The following MALRD1 variants were observed in gnomAD, a reference collection of about 807,000 sequenced individuals.
The protein encoded by MALRD1 is MAM and LDL receptor class A domain containing 1.
In MALRD1, 247 loss-of-function variants were observed where a neutral mutation model predicts 242.1. The observed-to-expected ratio is 1.02, with a 90% CI of 0.92 to 1.13. MALRD1 has a LOEUF of 1.13. MALRD1 is among the 50% of genes most tolerant of loss of function. The probability of loss-of-function intolerance (pLI) is 0.00; values close to 1 mark genes in which losing one functional copy is unlikely to be tolerated. For synonymous variants in MALRD1, 995 were observed against 866.6 expected, an observed-to-expected ratio of 1.15 and a Z score of -2.60; for missense variants, 2,989 against 2,533.1, an observed-to-expected ratio of 1.18 and a Z score of -3.86.
At chr10:19,557,328 G>A (rs1352328890) in intron 32 of MALRD1, among the ~76,000 whole-genome samples, 1 of 151,912 alleles carries the variant, frequency 6.6e-6, no homozygotes, top group Admixed American at 6.6e-5. Context: ...TATGGTTCCT[G>A]GTTTTGGCAA....
chr10:19,644,917 T>C, intron 36 of MALRD1, among the ~76,000 whole-genome samples: 1 of 152,166 alleles, frequency 6.6e-6, no homozygotes. Flanking sequence ...AGTTCATAAA[T>C]CTATTGTCCA....
At chr10:19,698,120 T>C (rs1833459605) in intron 38 of MALRD1, among the ~76,000 whole-genome samples, 1 of 152,218 alleles carries the variant, frequency 6.6e-6, no homozygotes, top group Non-Finnish European at 1.5e-5. Context: ...AATATTTCTC[T>C]AACTACTTTG....
chr10:19,367,735 A>T (rs987478122), intron 26 of MALRD1, among the ~76,000 whole-genome samples: 1 of 152,096 alleles, frequency 6.6e-6, no homozygotes, highest in African/African-American at 2.4e-5. Context: ...AAGAGTGTAT[A>T]AGAGTTCTCT....
Position 19,352,304 on chromosome 10 carries a change from T to G in MALRD1, c.4441+7T>G, listed in dbSNP as rs959975076. ...GCAGTGCCTCTTCCAACAGGTACAT[T>G]CTAATCTGTGTGTGTGTGTGGTATT... On this transcript the variant is annotated splice_region_variant and intron_variant, in intron 26 of 39. Transcript: ENST00000454679. The G allele has an allele frequency of 7.8e-5, 111 of 1,427,062 alleles. No homozygotes were observed. Among genetic ancestry groups the G allele is most frequent in the Non-Finnish European group, 1.0e-4 (109 of 1,091,208 alleles). The allele number at this position is 1,427,062 out of a possible 1,614,324, so 88.4% of individuals were successfully genotyped here.
intron 2 of MALRD1, among the ~76,000 whole-genome samples, chr10:19,076,438 TATCTTATACTTAGGTCTTTAATCC>T (rs1213646860): frequency 2.0e-5 from 3 of 152,062 alleles, no homozygotes; most frequent in Non-Finnish European, 4.4e-5. Context: ...TAAGAGTTTA[TATCTTATACTTAGGTCTTTAATCC>T]ATCTTTAGTT....
intron 13 of MALRD1, among the ~76,000 whole-genome samples, chr10:19,167,413 A>C (rs950280474): frequency 2.6e-5 from 4 of 152,142 alleles, no homozygotes; most frequent in African/African-American, 9.7e-5. Context: ...GAAGCCCTCT[A>C]TGCCTCTTTC....
At chr10:19,725,073 A>G (rs1242228062) in intron 38 of MALRD1, 1 of 152,250 alleles carries the variant, frequency 6.6e-6, no homozygotes, top group Non-Finnish European at 1.5e-5. Context: ...AAGAAATTAA[A>G]TAAGACCTAA....
At position 19,718,107 on chromosome 10, in the gene MALRD1, GGAAGAA is replaced by G. The variant is rs34633700; in HGVS notation, c.6315-12584_6315-12579del. Among the ~76,000 whole-genome samples, 619 of 142,460 alleles carry G rather than the reference GGAAGAA, an allele frequency of 4.3e-3. 1 individual carries two copies. Among genetic ancestry groups the G allele is most frequent in the African/African-American group, 0.011 (397 of 37,124 alleles). The allele number at this position is 142,460 out of a possible 152,430, so 93.5% of individuals were successfully genotyped here. A position where few individuals can be genotyped will look rare whatever the true frequency, so the allele number is the denominator to read the frequency against. Reference sequence around the variant, plus strand: ...AAGTAGAAGAAGAAGAAGAGGAAGAGGAAGAAGAAGAAGAAGAAGAGGAAGAAGAGG... The same window carrying G: ...AAGTAGAAGAAGAAGAAGAGGAAGAGGAAGAAGAAGAAGAGGAAGAAGAGG... On this transcript the variant is annotated intron_variant, in intron 38 of 39. Transcript: ENST00000454679.
Position 19,324,019 on chromosome 10 carries a change from C to T in MALRD1, c.3490C>T (p.Leu1164Phe). The change falls in exon 22 of 40, where the codon CTC (leucine) becomes TTC (phenylalanine). Residue 1164 changes from leucine to phenylalanine, a missense_variant. Transcript: ENST00000454679. ...GAAATTTGGTGACACGGCTGACATT[C>T]TCACTCCTATCATTTCACTCACGGG... ...NGKFGDTADI[L>F]TPIISLTGPK... 1 of 1,550,824 alleles carries T rather than the reference C, an allele frequency of 6.4e-7. No individual in the cohort carries two copies. Among genetic ancestry groups the T allele is most frequent in the East Asian group, 2.4e-5 (1 of 40,916 alleles).
intron 39 of MALRD1, among the ~76,000 whole-genome samples, chr10:19,733,419 C>T (rs2131948602): frequency 6.6e-6 from 1 of 152,230 alleles, no homozygotes; most frequent in South Asian, 2.1e-4. Flanking sequence ...AATGTAACTG[C>T]AGGATCATCC....
intron 32 of MALRD1, among the ~76,000 whole-genome samples, chr10:19,566,439 A>G (rs1163352990): frequency 2.0e-5 from 3 of 151,236 alleles, no homozygotes; most frequent in Non-Finnish European, 2.9e-5. Flanking sequence ...ACGCCAGGCC[A>G]TATTTTATAG....
intron 36 of MALRD1, among the ~76,000 whole-genome samples, chr10:19,643,361 G>T (rs891183052): frequency 1.3e-5 from 2 of 152,096 alleles, no homozygotes; most frequent in African/African-American, 2.4e-5. Flanking sequence ...CAGTAGAATC[G>T]CTTGAACCTG....
chr10:19,686,106 CAG>C (rs762503738), intron 36 of MALRD1, among the ~76,000 whole-genome samples: 7 of 151,986 alleles, frequency 4.6e-5, no homozygotes, highest in Non-Finnish European at 8.8e-5. Flanking sequence ...GGGCATAAGA[CAG>C]AGGAAAGACA....
At position 19,389,767 on chromosome 10, in the gene MALRD1, A is replaced by G. The variant is rs569340146; in HGVS notation, c.4845+158A>G. On this transcript the variant is annotated intron_variant, in intron 28 of 39. Coordinates refer to ENST00000454679, the MANE Select transcript of MALRD1 (RefSeq NM_001142308.3). ...CGATCCTCCTGCCTCTGCCTCCCGA[A>G]TAACTGGGACTACAGGCATGCACCA... Among the ~76,000 whole-genome samples the G allele has an allele frequency of 1.9e-4, 29 of 152,274 alleles. No homozygotes were observed. In the East Asian group the frequency reaches 5.2e-3, roughly 27 times the overall value.
At chr10:19,696,416 C>T (rs1001346901) in intron 38 of MALRD1, among the ~76,000 whole-genome samples, 2 of 152,054 alleles carry the variant, frequency 1.3e-5, no homozygotes, top group Non-Finnish European at 2.9e-5. Context: ...GCTGCAACAC[C>T]AAATATGTCA....
intron 12 of MALRD1, among the ~76,000 whole-genome samples, chr10:19,163,087 G>A (rs758348602): frequency 1.5e-5 from 2 of 131,014 alleles, no homozygotes; most frequent in Non-Finnish European, 3.1e-5. Flanking sequence ...GCAGTGAGCC[G>A]TGATCATGCC....
At chr10:19,439,286 T>G (rs1834501051) in intron 28 of MALRD1, among the ~76,000 whole-genome samples, 4 of 152,178 alleles carry the variant, frequency 2.6e-5, no homozygotes, top group Admixed American at 2.6e-4. Flanking sequence ...GTTCCAGCAC[T>G]TTGGGAAGCC....
At chr10:19,387,966 C>T (rs746808576) in intron 27 of MALRD1, among the ~76,000 whole-genome samples, 193 bp downstream of exon 27, 40 of 152,110 alleles carry the variant, frequency 2.6e-4, no homozygotes, top group Non-Finnish European at 4.6e-4. Context: ...ACTTAGACAA[C>T]AGACATTTAT....
intron 28 of MALRD1, among the ~76,000 whole-genome samples, chr10:19,394,105 T>G (rs924750587): frequency 6.6e-6 from 1 of 152,190 alleles, no homozygotes; most frequent in Non-Finnish European, 1.5e-5. Context: ...CATAATGTAT[T>G]CAAGCCAGAA....
Sources: gnomAD v4.1 joint callset for allele counts (sites outside exome capture counted in the v4.1 genomes callset) on GRCh38, gnomAD v4.1.1 for gene constraint, MANE v1.5 for transcripts, NCBI Gene and HGNC (gene_info 2026-07-23, HGNC 2026-07-21) for gene names.